SLC25A17: variants seen among roughly 807,000 people sequenced by gnomAD.
The protein encoded by SLC25A17 is solute carrier family 25 member 17.
In SLC25A17, 26 loss-of-function variants were observed where a neutral mutation model predicts 38.5. That is an observed-to-expected ratio of 0.68 (90% confidence interval 0.50 to 0.94). The LOEUF is 0.94. Ranked by LOEUF, SLC25A17 falls within the 40% of genes least tolerant of loss-of-function variation. The pLI is 0.00. For missense variants in SLC25A17, 333 were observed against 372.7 expected (o/e 0.89, Z 0.88); for synonymous variants, 139 against 136.2 (o/e 1.02, Z -0.14).
At chr22:40,802,436 G>A (rs1267696694) in intron 1 of SLC25A17, among the ~76,000 whole-genome samples, 1 of 152,044 alleles carries the variant, frequency 6.6e-6, no homozygotes, top group Non-Finnish European at 1.5e-5. Context: ...CCTGAGGTCA[G>A]GAGTTCGAGA....
intron 4 of SLC25A17, among the ~76,000 whole-genome samples, chr22:40,788,045 T>G (rs1265320217): frequency 6.6e-6 from 1 of 152,184 alleles, no homozygotes; most frequent in East Asian, 1.9e-4. Context: ...CGTGAGCCAC[T>G]GCACTTGGCC....
chr22:40,803,062 G>A (rs1033585376), intron 1 of SLC25A17, among the ~76,000 whole-genome samples: 28 of 152,092 alleles, frequency 1.8e-4, no homozygotes, highest in Non-Finnish European at 1.3e-4. Flanking sequence ...AAATACGCAC[G>A]ACATTGTTAT....
At chr22:40,797,384 A>G in intron 2 of SLC25A17, 1 of 1,059,132 alleles carries the variant, frequency 9.4e-7, no homozygotes, top group Non-Finnish European at 1.3e-6. Context: ...GAGTCCCATA[A>G]AGCTGCAAAG....
chr22:40,773,385 G>A (rs1602584582), intron 8 of SLC25A17, among the ~76,000 whole-genome samples: 1 of 145,822 alleles, frequency 6.9e-6, no homozygotes, highest in Non-Finnish European at 1.5e-5. Flanking sequence ...ACTCCAGCCC[G>A]GGCAACAGAG....
chr22:40,794,018 G>A (rs2057406120), intron 3 of SLC25A17, among the ~76,000 whole-genome samples: 1 of 152,122 alleles, frequency 6.6e-6, no homozygotes, highest in South Asian at 2.1e-4. Flanking sequence ...GTGGGAGAGA[G>A]ACAGCATGAG....
chr22:40,794,618 A>G (rs757553295), intron 2 of SLC25A17, 38 bp from the exon 3 acceptor site: 1 of 1,302,530 alleles, frequency 7.7e-7, no homozygotes, highest in Non-Finnish European at 1.1e-6. Flanking sequence ...TTTATTAATT[A>G]AAAAAAAAAT....
intron 7 of SLC25A17, among the ~76,000 whole-genome samples, chr22:40,775,396 C>T (rs1347373736): frequency 7.6e-6 from 1 of 132,234 alleles, no homozygotes; most frequent in Non-Finnish European, 1.6e-5. Flanking sequence ...TTCCCCTATA[C>T]TGTTCTTGTG....
intron 2 of SLC25A17, among the ~76,000 whole-genome samples, chr22:40,798,692 G>T (rs1370343974): frequency 4.1e-4 from 60 of 147,344 alleles, no homozygotes; most frequent in Non-Finnish European, 8.2e-4. Context: ...AAGAGGCTGG[G>T]TATGGTGGCT....
intron 1 of SLC25A17, among the ~76,000 whole-genome samples, chr22:40,804,607 T>G (rs924400432): frequency 6.6e-6 from 1 of 152,246 alleles, no homozygotes; most frequent in African/African-American, 2.4e-5. Flanking sequence ...TGTGAGTTGC[T>G]TGTATATTCT....
At chr22:40,779,358 G>C (rs192360919) in intron 4 of SLC25A17, 4 of 1,123,726 alleles carry the variant, frequency 3.6e-6, no homozygotes, top group Non-Finnish European at 3.7e-6. Context: ...TCCAGATGAA[G>C]AGCAATAAGT....
rs2145642686 is a variant in SLC25A17, at chr22:40,773,719, C to A, written c.776+218G>T. ...AGGAGTTCTGAATATTTGTAACTAACAAAGAATAAGAACCTGAACTTTTCC... is the reference window on the plus strand; with the variant it reads ...AGGAGTTCTGAATATTTGTAACTAAAAAAGAATAAGAACCTGAACTTTTCC... On this transcript the variant is annotated intron_variant, in intron 8 of 8. Transcript: ENST00000435456. Among the ~76,000 whole-genome samples the A allele has an allele frequency of 2.6e-5, 4 of 152,316 alleles. No individual in the cohort carries two copies. The Middle Eastern group carries it at 0.01, about 389-fold the overall frequency.
chr22:40,819,109 A>G (rs1002234694), intron 1 of SLC25A17, 86 bp downstream of exon 1: 3 of 1,433,136 alleles, frequency 2.1e-6, no homozygotes, highest in Non-Finnish European at 2.9e-6. Context: ...CCTCCCTCTC[A>G]GACCCATCCC....
intron 1 of SLC25A17, among the ~76,000 whole-genome samples, chr22:40,804,197 G>A (rs916382674): frequency 2.6e-5 from 4 of 152,036 alleles, no homozygotes; most frequent in Admixed American, 1.3e-4. Context: ...CCTTTGTCCT[G>A]AAATCTGGCT....
intron 4 of SLC25A17, among the ~76,000 whole-genome samples, chr22:40,782,385 C>A (rs774333471): frequency 6.6e-6 from 1 of 151,988 alleles, no homozygotes; most frequent in East Asian, 1.9e-4. Context: ...TTCTTTCTTT[C>A]TTTTATGTAA....
intron 2 of SLC25A17, among the ~76,000 whole-genome samples, chr22:40,796,887 G>T (rs957105022): frequency 6.6e-6 from 1 of 152,122 alleles, no homozygotes; most frequent in South Asian, 2.1e-4. Context: ...AGACGAAGAC[G>T]CTCCCAATGC....
chr22:40,792,495 A>G (rs773638592), intron 4 of SLC25A17, 30 bp downstream of exon 4: 2 of 1,552,292 alleles, frequency 1.3e-6, no homozygotes, highest in Admixed American at 2.0e-5. Context: ...GTAAATATAA[A>G]AACATTTTAT....
chr22:40,808,145 G>T (rs1020072044), intron 1 of SLC25A17, among the ~76,000 whole-genome samples: 1 of 152,056 alleles, frequency 6.6e-6, no homozygotes, highest in Non-Finnish European at 1.5e-5. Context: ...ATCTGAGTGG[G>T]AGTTCTAACG....
Position 40,777,050 on chromosome 22 carries a change from G to A in SLC25A17, c.683C>T (p.Ser228Leu). Residue 228 changes from serine to leucine, a missense_variant, in exon 7 of 9, where the codon TCA becomes TTA. Ser to Leu is a moderately radical substitution (Grantham distance 145). Transcript: ENST00000435456. ...AACTCCAGCACTCACCCTCAGAATT[G>A]ACTGTACCGTCTGCAGGGGATAGGT... ...TVTYPLQTVQ[S>L]ILRFGRHRLN... The A allele has an allele frequency of 6.2e-7, 1 of 1,613,954 alleles. No homozygotes were observed. Among genetic ancestry groups the A allele is most frequent in the Non-Finnish European group, 8.5e-7 (1 of 1,179,892 alleles).
chr22:40,775,742 C>T (rs548079018), intron 7 of SLC25A17, among the ~76,000 whole-genome samples: 2 of 152,180 alleles, frequency 1.3e-5, no homozygotes, highest in Admixed American at 6.5e-5. Context: ...GGATTACAGG[C>T]GTGAGCCACC....
Sources: gnomAD v4.1 joint callset for allele counts (sites outside exome capture counted in the v4.1 genomes callset) on GRCh38, gnomAD v4.1.1 for gene constraint, MANE v1.5 for transcripts, NCBI Gene and HGNC (gene_info 2026-07-23, HGNC 2026-07-21) for gene names.